The following ZFHX3 variants were observed in gnomAD, a reference collection of about 807,000 sequenced individuals.
ZFHX3 encodes the protein zinc finger homeobox 3, also known as zinc finger homeobox protein 3.
A neutral mutation model predicts 279.1 loss-of-function variants in ZFHX3; 42 were observed. The observed-to-expected ratio is 0.15, with a 90% CI of 0.12 to 0.19. The LOEUF is 0.19. Ranked by LOEUF, ZFHX3 falls within the 10% of genes least tolerant of loss-of-function variation. The probability of loss-of-function intolerance (pLI) is 1.00; values close to 1 mark genes in which losing one functional copy is unlikely to be tolerated. For synonymous variants in ZFHX3, 2,293 were observed against 1,957.8 expected (o/e 1.17, Z -4.52); for missense variants, 4,981 against 4,754.0 (o/e 1.05, Z -1.40).
At chr16:73,879,284 G>GA (rs74436279) in intron 1 of ZFHX3, among the ~76,000 whole-genome samples, 1,161 of 107,730 alleles carry the variant, frequency 0.011, 14 homozygotes, top group African/African-American at 0.032. Context: ...AGCAGGTGGA[G>GA]AAAAAAAAAA....
chr16:73,685,420 A>G (rs761421374), intron 1 of ZFHX3, among the ~76,000 whole-genome samples: 47 of 152,360 alleles, frequency 3.1e-4, no homozygotes, highest in Middle Eastern at 6.8e-3. Context: ...AGACTGAAGC[A>G]GGCCATGAGC....
At chr16:73,552,822 A>G (rs1364154100) in intron 2 of ZFHX3, among the ~76,000 whole-genome samples, 2 of 152,208 alleles carry the variant, frequency 1.3e-5, no homozygotes, top group African/African-American at 2.4e-5. Context: ...CTAGACTGAT[A>G]CGTCTGCCTG....
intron 3 of ZFHX3, among the ~76,000 whole-genome samples, chr16:73,386,443 T>A (rs2016904316): frequency 6.6e-6 from 1 of 152,200 alleles, no homozygotes; most frequent in African/African-American, 2.4e-5. Flanking sequence ...TTTGCTGAGT[T>A]ATCATAGGGA....
At chr16:73,648,475 G>A (rs1384757613) in intron 2 of ZFHX3, among the ~76,000 whole-genome samples, 3 of 152,064 alleles carry the variant, frequency 2.0e-5, no homozygotes, top group African/African-American at 7.2e-5. Context: ...CTGCAACCTC[G>A]GCCTCCTGGG....
chr16:72,842,005 T>G (rs984776825), intron 4 of ZFHX3, among the ~76,000 whole-genome samples: 1 of 152,214 alleles, frequency 6.6e-6, no homozygotes, highest in Non-Finnish European at 1.5e-5. Context: ...AGGTGCAGTT[T>G]AGTGACAAAG....
At chr16:73,207,552 T>C (rs2011855647) in intron 5 of ZFHX3, among the ~76,000 whole-genome samples, 1 of 152,182 alleles carries the variant, frequency 6.6e-6, no homozygotes, top group Non-Finnish European at 1.5e-5. Flanking sequence ...ACTCATTTAA[T>C]AACTAGAGTA....
intron 2 of ZFHX3, among the ~76,000 whole-genome samples, chr16:73,653,936 G>A (rs1324705973): frequency 6.6e-6 from 1 of 152,160 alleles, no homozygotes; most frequent in East Asian, 1.9e-4. Context: ...TGTAATCCCA[G>A]CACTTTGAGA....
intron 2 of ZFHX3, among the ~76,000 whole-genome samples, chr16:73,514,438 A>G (rs1175558919): frequency 2.6e-5 from 4 of 152,160 alleles, no homozygotes; most frequent in Non-Finnish European, 5.9e-5. Flanking sequence ...TTTCAAATTT[A>G]TTCTTCACAA....
chr16:73,509,168 A>G (rs990181166), intron 2 of ZFHX3, among the ~76,000 whole-genome samples: 1 of 152,228 alleles, frequency 6.6e-6, no homozygotes, highest in East Asian at 1.9e-4. Flanking sequence ...GACTACTGGA[A>G]TGGAATGCTT....
intron 1 of ZFHX3, among the ~76,000 whole-genome samples, chr16:73,690,929 T>G (rs2053143861): frequency 6.6e-6 from 1 of 152,232 alleles, no homozygotes. Flanking sequence ...GTGATTGTTT[T>G]GAGCCTCTAT....
chr16:73,792,495 A>C (rs148295169), intron 1 of ZFHX3, among the ~76,000 whole-genome samples: 1 of 152,220 alleles, frequency 6.6e-6, no homozygotes, highest in African/African-American at 2.4e-5. Flanking sequence ...ATAAGAGAGG[A>C]AAGTTTTATT....
intron 5 of ZFHX3, among the ~76,000 whole-genome samples, chr16:73,223,286 C>T (rs940415782): frequency 5.9e-5 from 9 of 152,036 alleles, no homozygotes; most frequent in African/African-American, 2.2e-4. Context: ...AACAGACAAG[C>T]CACAGACTAG....
intron 1 of ZFHX3, among the ~76,000 whole-genome samples, chr16:72,989,674 G>A (rs1451979707): frequency 1.3e-5 from 2 of 152,310 alleles, no homozygotes; most frequent in East Asian, 3.9e-4. Flanking sequence ...TAAGTGGGAA[G>A]AATATGGGCC....
chr16:73,665,632 A>T (rs1329711973), intron 2 of ZFHX3, among the ~76,000 whole-genome samples: 4 of 151,794 alleles, frequency 2.6e-5, no homozygotes, highest in African/African-American at 9.7e-5. Flanking sequence ...ATTGTGACCT[A>T]AGAAAATGAA....
At chr16:73,428,112 A>G (rs1443406567) in intron 3 of ZFHX3, among the ~76,000 whole-genome samples, 1 of 152,144 alleles carries the variant, frequency 6.6e-6, no homozygotes, top group Admixed American at 6.5e-5. Flanking sequence ...GAAAGGACAG[A>G]ATTTCTCATT....
At chr16:72,964,668 TA>T (rs11314455) in intron 1 of ZFHX3, among the ~76,000 whole-genome samples, 126,961 of 143,196 alleles carry the variant, frequency 0.89, 56,342 homozygotes, top group Admixed American at 0.92. Context: ...TTGGTCTATT[TA>T]AAAAAAAAAA....
At chr16:73,267,807 C>T (rs562684728) in intron 4 of ZFHX3, among the ~76,000 whole-genome samples, 54 of 152,236 alleles carry the variant, frequency 3.5e-4, no homozygotes, top group South Asian at 2.1e-3. Flanking sequence ...TAAGATGATA[C>T]GCAAATTTTC....
intron 1 of ZFHX3, among the ~76,000 whole-genome samples, chr16:73,056,583 G>A (rs1965561723): frequency 6.6e-6 from 1 of 152,168 alleles, no homozygotes; most frequent in Non-Finnish European, 1.5e-5. Flanking sequence ...GCAAAATGGA[G>A]TTTTAGAATG....
At chr16:73,824,464 A>C (rs1960841012) in intron 1 of ZFHX3, among the ~76,000 whole-genome samples, 1 of 126,542 alleles carries the variant, frequency 7.9e-6, no homozygotes, top group Admixed American at 8.4e-5. Flanking sequence ...GGTTAGTTAC[A>C]TATGTATACA....
Sources: allele counts gnomAD v4.1 joint callset (sites outside exome capture counted in the v4.1 genomes callset), GRCh38; gene constraint gnomAD v4.1.1; transcripts MANE v1.5; gene names NCBI Gene and HGNC (gene_info 2026-07-23, HGNC 2026-07-21).